The following PLEKHH1 variants were observed in gnomAD, a reference collection of about 807,000 sequenced individuals.
The protein encoded by PLEKHH1 is pleckstrin homology, MyTH4 and FERM domain containing H1.
In PLEKHH1, 104 loss-of-function variants were observed where a neutral mutation model predicts 160.0. That is an observed-to-expected ratio of 0.65 (90% CI 0.55 to 0.76). PLEKHH1 has a LOEUF of 0.76. PLEKHH1 is among the 30% of genes least tolerant of loss of function. The probability of loss-of-function intolerance (pLI) is 0.00; values close to 1 mark genes in which losing one functional copy is unlikely to be tolerated. For missense variants in PLEKHH1, 1,427 were observed against 1,724.1 expected (o/e 0.83, Z 3.05); for synonymous variants, 619 against 678.4 (o/e 0.91, Z 1.36).
chr14:67,542,064 A>C lies in PLEKHH1; in HGVS notation c.126+71A>C, dbSNP rs1566722771. The C allele has an allele frequency of 2.2e-6, 3 of 1,388,774 alleles. No individual in the cohort carries two copies. In the East Asian group the frequency reaches 7.8e-5, roughly 36 times the overall value. 86.0% of individuals were successfully genotyped at this position (1,388,774 alleles called of 1,614,324 possible). Reference sequence around the variant, plus strand: ...TATGGCAGGGAGGGCCGTGTGAGAGAGGGAGAGTTGCGGAAAGTCAACTTT... The same window carrying C: ...TATGGCAGGGAGGGCCGTGTGAGAGCGGGAGAGTTGCGGAAAGTCAACTTT... On this transcript the variant is annotated intron_variant, in intron 2 of 28. Coordinates refer to ENST00000329153, the MANE Select transcript of PLEKHH1 (RefSeq NM_020715.3).
At chr14:67,584,722 G>A (rs943118656) in intron 26 of PLEKHH1, among the ~76,000 whole-genome samples, 1 of 152,230 alleles carries the variant, frequency 6.6e-6, no homozygotes, top group Non-Finnish European at 1.5e-5. Context: ...GTTGTTTGAG[G>A]TTATAAGAAG....
chr14:67,583,189 T>G (rs2035985174), intron 24 of PLEKHH1, among the ~76,000 whole-genome samples: 1 of 152,232 alleles, frequency 6.6e-6, no homozygotes, highest in Non-Finnish European at 1.5e-5. Flanking sequence ...ATAGTTGATC[T>G]TTATAAATAT....
intron 2 of PLEKHH1, among the ~76,000 whole-genome samples, chr14:67,542,676 C>T (rs1010450413): frequency 4.5e-4 from 68 of 151,870 alleles, no homozygotes; most frequent in African/African-American, 1.5e-3. Context: ...AGATAACATT[C>T]TATTTTATTT....
chr14:67,534,503 TA>T lies in PLEKHH1; in HGVS notation c.-35+1115del, dbSNP rs200889946. Among the ~76,000 whole-genome samples, 18 of 150,128 alleles carry T rather than the reference TA, an allele frequency of 1.2e-4. 1 individual carries two copies. The South Asian group carries it at 1.7e-3, about 14-fold the overall frequency. On this transcript the variant is annotated intron_variant, in intron 1 of 28. Transcript: ENST00000329153. ...TTGGGAGGCTGATGATCCTGTCTGT[TA>T]AAAAAAAAATTGTTGTGATATGCCC...
At chr14:67,577,771 G>GT (rs200711529) in intron 18 of PLEKHH1, among the ~76,000 whole-genome samples, 3,190 of 151,884 alleles carry the variant, frequency 0.021, 109 homozygotes, top group South Asian at 0.098. Flanking sequence ...TTTTGTTTTT[G>GT]TTTTTTTTAA....
intron 10 of PLEKHH1, 27 bp from the exon 11 acceptor site, chr14:67,572,108 G>A (rs778967722): frequency 1.9e-6 from 3 of 1,595,566 alleles, no homozygotes; most frequent in Non-Finnish European, 2.6e-6. Context: ...GTGGGACCCG[G>A]GCCTTGACTC....
chr14:67,557,448 G>A (rs1351620718), intron 4 of PLEKHH1, 30 bp downstream of exon 4: 1 of 1,604,786 alleles, frequency 6.2e-7, no homozygotes, highest in South Asian at 1.1e-5. Flanking sequence ...GGAGCACCAT[G>A]CCCTCTTCGA....
chr14:67,533,389 C>T lies in PLEKHH1; in HGVS notation c.-44C>T, dbSNP rs983017667. The stretch of plus-strand genomic sequence containing the variant: ...AGTGCGCGGCGGGGACGGCCGCGAG[C>T]TCGCTGGAGGTGAGCGACCCGCGCT... On this transcript the variant is annotated 5_prime_UTR_variant, in exon 1 of 29. Coordinates refer to ENST00000329153, the MANE Select transcript of PLEKHH1 (RefSeq NM_020715.3). 7.9e-5 allele frequency: 12 copies of T among 151,528 alleles called. No individual in the cohort carries two copies. Among genetic ancestry groups the T allele is most frequent in the Non-Finnish European group, 1.5e-4 (10 of 67,854 alleles). The allele number at this position is 151,528 out of a possible 1,614,324, so 9.4% of individuals were successfully genotyped here. A position where few individuals can be genotyped will look rare whatever the true frequency, so the allele number is the denominator to read the frequency against.
Position 67,562,281 on chromosome 14 carries a change from C to CA in PLEKHH1, c.651dup (p.Pro218ThrfsTer14). The CA allele has an allele frequency of 6.2e-7, 1 of 1,613,744 alleles. No individual in the cohort carries two copies. The highest frequency in any genetic ancestry group is 8.5e-7 in the Non-Finnish European group (1 of 1,179,798). ...CAGGGTCTGAAGGCAGCTGTGCTTG[C>CA]ACCTTCCCCAGGTGCCCTGCAGAGC... On this transcript the variant is annotated frameshift_variant, in exon 7 of 29. Transcript: ENST00000329153. LOFTEE classifies it high-confidence loss of function.
chr14:67,583,764 G>A lies in PLEKHH1; in HGVS notation c.3450G>A (p.Lys1150=). The A allele has an allele frequency of 6.2e-7, 1 of 1,611,638 alleles. No homozygotes were observed. Among genetic ancestry groups the A allele is most frequent in the Non-Finnish European group, 8.5e-7 (1 of 1,178,916 alleles). The change falls in exon 25 of 29, where the codon AAG becomes AAA. Residue 1150 remains lysine (K), a synonymous_variant. Coordinates refer to ENST00000329153, the MANE Select transcript of PLEKHH1 (RefSeq NM_020715.3). ...MAQVEYGDLE[K]PALPGPGGTS... is the part of the protein sequence containing the mutation. ...AGGTAGAATATGGGGACTTGGAGAA[G>A]CCTGCCCTGCCAGGCCCTGGAGGCA...
At position 67,573,871 on chromosome 14, in the gene PLEKHH1, G is replaced by A; in HGVS notation, c.1910G>A (p.Gly637Asp). Residue 637 changes from glycine to aspartate, a missense_variant, in exon 13 of 29, where the codon GGT becomes GAT. Gly to Asp is a moderately conservative substitution (Grantham distance 94). Transcript: ENST00000329153. This position sits in a 1 kb window ranked among gnomAD's most constrained non-coding sequence, Gnocchi z 4.8. ...CGCTGCCAAATTGTTCGAGGGGAGGGTTCACAGACGTTTCAGGTGAGCACG... is the reference window on the plus strand; with the variant it reads ...CGCTGCCAAATTGTTCGAGGGGAGGATTCACAGACGTTTCAGGTGAGCACG... ...NSRCQIVRGE[G>D]SQTFQLISEK... The A allele has an allele frequency of 6.2e-7, 1 of 1,612,976 alleles. No homozygotes were observed. Among genetic ancestry groups the A allele is most frequent in the Non-Finnish European group, 8.5e-7 (1 of 1,178,984 alleles).
In PLEKHH1 at chr14:67,573,428, A is replaced by C; in HGVS notation, c.1839+42A>C. 1.7e-6 allele frequency: 2 copies of C among 1,163,736 alleles called. No individual in the cohort carries two copies. Among genetic ancestry groups the C allele is most frequent in the Non-Finnish European group, 2.6e-6 (2 of 770,778 alleles). 72.1% of individuals were successfully genotyped at this position (1,163,736 alleles called of 1,614,324 possible). A position where few individuals can be genotyped will look rare whatever the true frequency, so the allele number is the denominator to read the frequency against. ...CCAGCACTGCAGTCAAAAGGTCTCC[A>C]CATCACACCCTGGACTATGTCAGAT... On this transcript the variant is annotated intron_variant, in intron 12 of 28. Coordinates refer to ENST00000329153, the MANE Select transcript of PLEKHH1 (RefSeq NM_020715.3). The surrounding 1 kb of genome is among the most constrained non-coding windows in gnomAD (Gnocchi z 4.8).
intron 7 of PLEKHH1, among the ~76,000 whole-genome samples, chr14:67,565,434 G>A (rs2035044864): frequency 2.0e-5 from 3 of 152,020 alleles, no homozygotes; most frequent in Admixed American, 2.0e-4. Context: ...TTGTAGGGAT[G>A]GAGTATCCCT....
Position 67,578,050 on chromosome 14 carries a change from G to T in PLEKHH1, c.2602G>T (p.Val868Leu), listed in dbSNP as rs1464030922. ...CTGCCAGCTCTTCATCAACGTGCCG[G>T]TGGAAGCTGCCTCGGTGGACTACCA... ...KSCQLFINVP[V>L]EAASVDYHVS... Residue 868 changes from valine (V) to leucine (L), a missense_variant, in exon 19 of 29, where the codon GTG (valine) becomes TTG (leucine). Physicochemically the swap from Val to Leu is conservative, Grantham distance 32. Coordinates refer to ENST00000329153, the MANE Select transcript of PLEKHH1 (RefSeq NM_020715.3). This position sits in a 1 kb window ranked among gnomAD's most constrained non-coding sequence, Gnocchi z 5.0. The T allele has an allele frequency of 4.3e-6, 7 of 1,613,786 alleles. No homozygotes were observed. The highest frequency in any genetic ancestry group is 1.7e-5 in the Admixed American group (1 of 60,004).
chr14:67,561,572 A>G (rs1208301225), intron 5 of PLEKHH1, among the ~76,000 whole-genome samples: 1 of 152,064 alleles, frequency 6.6e-6, no homozygotes, highest in Non-Finnish European at 1.5e-5. Flanking sequence ...TCAGAAAAGA[A>G]AAGAATATGC....
intron 7 of PLEKHH1, among the ~76,000 whole-genome samples, chr14:67,566,624 G>A (rs931714862): frequency 3.9e-5 from 6 of 152,004 alleles, no homozygotes; most frequent in Non-Finnish European, 5.9e-5. Context: ...GGCACATGCC[G>A]GTAGTCCCAG....
At position 67,576,281 on chromosome 14, in the gene PLEKHH1, A is replaced by C; in HGVS notation, c.2353-114A>C. On this transcript the variant is annotated intron_variant, in intron 16 of 28. Coordinates refer to ENST00000329153, the MANE Select transcript of PLEKHH1 (RefSeq NM_020715.3). The surrounding 1 kb of genome is among the most constrained non-coding windows in gnomAD (Gnocchi z 4.0). Reference sequence around the variant, plus strand: ...TTCCAGGTAGCCCTGACTCATGCCAACCAAACTAGCTGAACCCCACATGGG... The same window carrying C: ...TTCCAGGTAGCCCTGACTCATGCCACCCAAACTAGCTGAACCCCACATGGG... The C allele has an allele frequency of 1.5e-6, 1 of 648,494 alleles. No homozygotes were observed. Among genetic ancestry groups the C allele is most frequent in the Non-Finnish European group, 2.7e-6 (1 of 374,972 alleles). 40.2% of individuals were successfully genotyped at this position (648,494 alleles called of 1,614,324 possible). A position where few individuals can be genotyped will look rare whatever the true frequency, so the allele number is the denominator to read the frequency against.
intron 5 of PLEKHH1, 66 bp from the exon 6 acceptor site, chr14:67,561,888 A>T: frequency 4.5e-6 from 5 of 1,115,176 alleles, no homozygotes; most frequent in Non-Finnish European, 6.6e-6. Context: ...AAAAAAAAAG[A>T]ATTGAAAAAA....
chr14:67,575,771 A>G, intron 15 of PLEKHH1, 52 bp from the exon 16 acceptor site: 1 of 1,350,030 alleles, frequency 7.4e-7, no homozygotes, highest in Non-Finnish European at 1.0e-6. Context: ...GAGAGAGGAG[A>G]CTCCCTCATC....
Sources: allele counts gnomAD v4.1 joint callset (sites outside exome capture counted in the v4.1 genomes callset), GRCh38; gene constraint gnomAD v4.1.1; non-coding constraint Gnocchi (gnomAD v3.1); transcripts MANE v1.5; gene names NCBI Gene and HGNC (gene_info 2026-07-23, HGNC 2026-07-21).